Variants in SYDE1 observed in about 807,000 individuals in gnomAD.
SYDE1 encodes the protein synapse defective Rho GTPase activating protein 1.
SYDE1 carries 34 observed loss-of-function variants against 63.3 expected under a neutral mutation model. The observed-to-expected ratio is 0.54, with a 90% confidence interval of 0.41 to 0.71. SYDE1 has a LOEUF of 0.71. Ranked by LOEUF, SYDE1 falls within the 30% of genes least tolerant of loss-of-function variation. SYDE1 has a pLI of 0.00. For missense variants in SYDE1, 925 were observed against 1,042.5 expected (o/e 0.89, Z 1.55); for synonymous variants, 467 against 473.4 (o/e 0.99, Z 0.18).
chr19:15,112,429 C>A lies in SYDE1; in HGVS notation c.1662C>A (p.Ala554=). Residue 554 remains alanine, a synonymous_variant, in exon 7 of 8, where the codon GCC becomes GCA. Transcript: ENST00000342784. ...AYNRMTPQNL[A]VCFGPVLLPA... ...ACCGCATGACCCCACAGAACTTGGCCGTGTGCTTCGGGCCTGTGCTGCTGC... is the reference window on the plus strand; with the variant it reads ...ACCGCATGACCCCACAGAACTTGGCAGTGTGCTTCGGGCCTGTGCTGCTGC... 1 of 1,601,366 alleles carries A rather than the reference C, an allele frequency of 6.2e-7. No homozygotes were observed. The highest frequency in any genetic ancestry group is 8.5e-7 in the Non-Finnish European group (1 of 1,174,426).
chr19:15,108,305 A>G lies in SYDE1; in HGVS notation c.89-751A>G, dbSNP rs149090114. Among the ~76,000 whole-genome samples the G allele has an allele frequency of 1.5e-3, 222 of 152,278 alleles. No homozygotes were observed. The highest frequency in any genetic ancestry group is 4.7e-3 in the African/African-American group (197 of 41,560). Reference sequence around the variant, plus strand: ...TACCCCTTCCCCCCAGGCCTTCCCAAAGATTCCCAATGTTCCCAGGGAAGG... The same window carrying G: ...TACCCCTTCCCCCCAGGCCTTCCCAGAGATTCCCAATGTTCCCAGGGAAGG... On this transcript the variant is annotated intron_variant, in intron 1 of 7. Coordinates refer to ENST00000342784, the MANE Select transcript of SYDE1 (RefSeq NM_033025.6). The surrounding 1 kb of genome is among the most constrained non-coding windows in gnomAD (Gnocchi z 4.3).
At position 15,111,293 on chromosome 19, in the gene SYDE1, C is replaced by A. The variant is rs1223965690; in HGVS notation, c.1291-20C>A. The A allele has an allele frequency of 6.2e-7, 1 of 1,613,510 alleles. No individual in the cohort carries two copies. The highest frequency in any genetic ancestry group is 8.5e-7 in the Non-Finnish European group (1 of 1,179,580). ...TGTGGCCCCGGCAAGAAGACATTCA[C>A]TCTCTCTTCCCACCCCCAGGTAGTG... is the stretch of plus-strand genomic sequence containing the variant. On this transcript the variant is annotated intron_variant, in intron 4 of 7. Transcript: ENST00000342784. The surrounding 1 kb of genome is among the most constrained non-coding windows in gnomAD (Gnocchi z 5.5).
Position 15,109,055 on chromosome 19 carries a change from G to T in SYDE1, c.89-1G>T, listed in dbSNP as rs1395116252. The T allele has an allele frequency of 6.7e-6, 10 of 1,483,184 alleles. No individual in the cohort carries two copies. In the South Asian group the frequency reaches 1.3e-4, roughly 20 times the overall value. 91.9% of individuals were successfully genotyped at this position (1,483,184 alleles called of 1,614,324 possible). On this transcript the variant is annotated splice_acceptor_variant, in intron 1 of 7. Coordinates refer to ENST00000342784, the MANE Select transcript of SYDE1 (RefSeq NM_033025.6). LOFTEE classifies it high-confidence loss of function. The surrounding 1 kb of genome is among the most constrained non-coding windows in gnomAD (Gnocchi z 5.0). ...GTCTCACTCCCCTTGCTCTCTGCCAGGCCACCCAGCCCAGCGCCCAGAGCC... is the reference window on the plus strand; with the variant it reads ...GTCTCACTCCCCTTGCTCTCTGCCATGCCACCCAGCCCAGCGCCCAGAGCC...
Position 15,108,962 on chromosome 19 carries a change from CGT to C in SYDE1, c.89-93_89-92del. 28 of 1,426,636 alleles carry C rather than the reference CGT, an allele frequency of 2.0e-5. No individual in the cohort carries two copies. Among genetic ancestry groups the C allele is most frequent in the Non-Finnish European group, 2.6e-5 (28 of 1,094,548 alleles). 88.4% of individuals were successfully genotyped at this position (1,426,636 alleles called of 1,614,324 possible). A position where few individuals can be genotyped will look rare whatever the true frequency, so the allele number is the denominator to read the frequency against. ...TGACTTATCAGGGGCCGGCCAGGGC[CGT>C]ACACAGCATCCCACCCACTGATCAA... On this transcript the variant is annotated intron_variant, in intron 1 of 7. Coordinates refer to ENST00000342784, the MANE Select transcript of SYDE1 (RefSeq NM_033025.6). This position sits in a 1 kb window ranked among gnomAD's most constrained non-coding sequence, Gnocchi z 4.3.
In SYDE1 at chr19:15,111,051, C is replaced by A. The variant is rs1249171324; in HGVS notation, c.1291-262C>A. Reference sequence around the variant, plus strand: ...AGTTGGGGTGGGGTGTACCTAGGGTCTGGGAGAGCTTAAAACAAAACCTGG... The same window carrying A: ...AGTTGGGGTGGGGTGTACCTAGGGTATGGGAGAGCTTAAAACAAAACCTGG... On this transcript the variant is annotated intron_variant, in intron 4 of 7. Coordinates refer to ENST00000342784, the MANE Select transcript of SYDE1 (RefSeq NM_033025.6). This position sits in a 1 kb window ranked among gnomAD's most constrained non-coding sequence, Gnocchi z 5.5. Among the ~76,000 whole-genome samples the A allele has an allele frequency of 1.3e-5, 2 of 152,140 alleles. No homozygotes were observed. Among genetic ancestry groups the A allele is most frequent in the Non-Finnish European group, 2.9e-5 (2 of 68,022 alleles).
chr19:15,109,003 C>T lies in SYDE1; in HGVS notation c.89-53C>T, dbSNP rs1029773574. 7 of 1,444,096 alleles carry T rather than the reference C, an allele frequency of 4.8e-6. No individual in the cohort carries two copies. The highest frequency in any genetic ancestry group is 4.3e-5 in the African/African-American group (3 of 69,826). The allele number at this position is 1,444,096 out of a possible 1,614,324, so 89.5% of individuals were successfully genotyped here. On this transcript the variant is annotated intron_variant, in intron 1 of 7. Coordinates refer to ENST00000342784, the MANE Select transcript of SYDE1 (RefSeq NM_033025.6). This position sits in a 1 kb window ranked among gnomAD's most constrained non-coding sequence, Gnocchi z 5.0. Reference sequence around the variant, plus strand: ...CCCACTGATCAATTGCACAGGGCTGCTCTGCAGGCAGTGAGGGGCTGGGTG... The same window carrying T: ...CCCACTGATCAATTGCACAGGGCTGTTCTGCAGGCAGTGAGGGGCTGGGTG...
intron 6 of SYDE1, among the ~76,000 whole-genome samples, chr19:15,112,075 CA>C (rs2046349075): frequency 6.6e-6 from 1 of 152,156 alleles, no homozygotes; most frequent in African/African-American, 2.4e-5. Context: ...AGACAAGTCC[CA>C]TCCCTCTCTG....
Position 15,111,825 on chromosome 19 carries a change from G to C in SYDE1, c.1578+33G>C. 7 of 1,539,462 alleles carry C rather than the reference G, an allele frequency of 4.5e-6. No homozygotes were observed. The highest frequency in any genetic ancestry group is 2.3e-5 in the East Asian group (1 of 44,092). On this transcript the variant is annotated intron_variant, in intron 6 of 7. Coordinates refer to ENST00000342784, the MANE Select transcript of SYDE1 (RefSeq NM_033025.6). The surrounding 1 kb of genome is among the most constrained non-coding windows in gnomAD (Gnocchi z 5.5). ...GGGCCTGGTGGGAGTGATGGGACTT[G>C]AGAGTGGGCTGATACCAATAGAATG... is the stretch of plus-strand genomic sequence containing the variant.
chr19:15,113,422 CCAGTCCTAGCT>C (rs2046358879), intron 7 of SYDE1, 127 bp from the exon 8 acceptor site: 1 of 1,013,768 alleles, frequency 9.9e-7, no homozygotes, highest in Non-Finnish European at 1.4e-6. Flanking sequence ...GCGTAAGCAA[CCAGTCCTAGCT>C]CTGCCAGTGA....
rs1020869856 is a variant in SYDE1 at position 15,111,562 on chromosome 19, C to T, written c.1418-70C>T. The T allele has an allele frequency of 9.4e-6, 15 of 1,603,610 alleles. No individual in the cohort carries two copies. Among genetic ancestry groups the T allele is most frequent in the Admixed American group, 5.0e-5 (3 of 59,546 alleles). The stretch of plus-strand genomic sequence containing the variant: ...CTTGCTTTCACCCACCTCCTCTTCC[C>T]CCTTAGCTGTGCCCTCCTTAGCCTT... On this transcript the variant is annotated intron_variant, in intron 5 of 7. Transcript: ENST00000342784. The surrounding 1 kb of genome is among the most constrained non-coding windows in gnomAD (Gnocchi z 5.5).
chr19:15,114,041 G>C lies in SYDE1; in HGVS notation c.*78G>C. On this transcript the variant is annotated 3_prime_UTR_variant, in exon 8 of 8. Coordinates refer to ENST00000342784, the MANE Select transcript of SYDE1 (RefSeq NM_033025.6). ...AAGGCGGTGCCCTGGTGACCAAGGA[G>C]AGCCAGACCTGTTGCTCAGGCCGAG... The C allele has an allele frequency of 7.0e-7, 1 of 1,433,662 alleles. No individual in the cohort carries two copies. Among genetic ancestry groups the C allele is most frequent in the Admixed American group, 2.0e-5 (1 of 49,400 alleles). 88.8% of individuals were successfully genotyped at this position (1,433,662 alleles called of 1,614,324 possible). A position where few individuals can be genotyped will look rare whatever the true frequency, so the allele number is the denominator to read the frequency against.
chr19:15,113,239 G>A (rs377278073), intron 7 of SYDE1, among the ~76,000 whole-genome samples: 2 of 150,378 alleles, frequency 1.3e-5, no homozygotes, highest in African/African-American at 2.4e-5. Flanking sequence ...GGGGCTTCAC[G>A]GTGTTGGCCA....
rs1359223111 is a variant in SYDE1, at chr19:15,111,663, C to T, written c.1449C>T (p.Pro483=). Residue 483 remains proline (P), a synonymous_variant, in exon 6 of 8, where the codon CCC becomes CCT. Transcript: ENST00000342784. This position sits in a 1 kb window ranked among gnomAD's most constrained non-coding sequence, Gnocchi z 5.5. ...GILKDYLREL[P]TPLITQPLYK... Reference sequence around the variant, plus strand: ...TCAAGGATTATCTTCGAGAGTTGCCCACCCCACTCATCACCCAGCCCCTGT... The same window carrying T: ...TCAAGGATTATCTTCGAGAGTTGCCTACCCCACTCATCACCCAGCCCCTGT... 1.2e-6 allele frequency: 2 copies of T among 1,613,994 alleles called. No individual in the cohort carries two copies. Among genetic ancestry groups the T allele is most frequent in the African/African-American group, 1.3e-5 (1 of 75,038 alleles).
chr19:15,114,067 C>T lies in SYDE1; in HGVS notation c.*104C>T. On this transcript the variant is annotated 3_prime_UTR_variant, in exon 8 of 8. Coordinates refer to ENST00000342784, the MANE Select transcript of SYDE1 (RefSeq NM_033025.6). ...AGCCAGACCTGTTGCTCAGGCCGAG[C>T]TCCTGGTTGCCAGCGAGTTACCACG... 3.3e-6 allele frequency: 4 copies of T among 1,226,594 alleles called. No homozygotes were observed. Among genetic ancestry groups the T allele is most frequent in the Non-Finnish European group, 4.6e-6 (4 of 878,954 alleles). The allele number at this position is 1,226,594 out of a possible 1,614,324, so 76.0% of individuals were successfully genotyped here. A position where few individuals can be genotyped will look rare whatever the true frequency, so the allele number is the denominator to read the frequency against.
Position 15,110,377 on chromosome 19 carries a change from G to T in SYDE1, c.1075+29G>T. On this transcript the variant is annotated intron_variant, in intron 3 of 7. Coordinates refer to ENST00000342784, the MANE Select transcript of SYDE1 (RefSeq NM_033025.6). The surrounding 1 kb of genome is among the most constrained non-coding windows in gnomAD (Gnocchi z 6.9). Reference sequence around the variant, plus strand: ...GGACATGCGGCTGCAGGGGAGGAGGGGCAGGGACCCCCAAACCCCACCGCC... The same window carrying T: ...GGACATGCGGCTGCAGGGGAGGAGGTGCAGGGACCCCCAAACCCCACCGCC... 1 of 1,437,488 alleles carries T rather than the reference G, an allele frequency of 7.0e-7. No individual in the cohort carries two copies. The highest frequency in any genetic ancestry group is 2.7e-5 in the Admixed American group (1 of 36,716). 89.0% of individuals were successfully genotyped at this position (1,437,488 alleles called of 1,614,324 possible).
In SYDE1 at chr19:15,110,321, A is replaced by G. The variant is rs1441732907; in HGVS notation, c.1048A>G (p.Thr350Ala). The change falls in exon 3 of 8, where the codon ACC becomes GCC. Residue 350 changes from threonine to alanine, a missense_variant. Coordinates refer to ENST00000342784, the MANE Select transcript of SYDE1 (RefSeq NM_033025.6). This position sits in a 1 kb window ranked among gnomAD's most constrained non-coding sequence, Gnocchi z 6.9. ...AAGGCACCGGCCCTGTGCCCAGGGC[A>G]CCGTGCTGCTGCCCACGGTCTTCCG... ...VRRHRPCAQG[T>A]VLLPTVFRGC... 3.5e-5 allele frequency: 50 copies of G among 1,428,126 alleles called. No individual in the cohort carries two copies. Among genetic ancestry groups the G allele is most frequent in the Non-Finnish European group, 4.6e-5 (50 of 1,092,498 alleles). The allele number at this position is 1,428,126 out of a possible 1,614,324, so 88.5% of individuals were successfully genotyped here.
At position 15,109,465 on chromosome 19, in the gene SYDE1, A is replaced by G. The variant is rs2046327616; in HGVS notation, c.430+68A>G. On this transcript the variant is annotated intron_variant, in intron 2 of 7. Transcript: ENST00000342784. The surrounding 1 kb of genome is among the most constrained non-coding windows in gnomAD (Gnocchi z 5.0). ...GCTCCACATCCCTTCCCTTCAGGGT[A>G]GCACCAGCCTCACACTCCCTCCTCC... 2.7e-6 allele frequency: 4 copies of G among 1,455,340 alleles called. No individual in the cohort carries two copies. The highest frequency in any genetic ancestry group is 1.4e-5 in the South Asian group (1 of 68,974). 90.2% of individuals were successfully genotyped at this position (1,455,340 alleles called of 1,614,324 possible).
rs1386018995 is a variant in SYDE1 at position 15,110,641 on chromosome 19, C to T, written c.1196C>T (p.Pro399Leu). The change falls in exon 4 of 8, where the codon CCC becomes CTC. Residue 399 changes from proline (P) to leucine (L), a missense_variant. Physicochemically the swap from Pro to Leu is moderately conservative, Grantham distance 98 (BLOSUM62 -3). Coordinates refer to ENST00000342784, the MANE Select transcript of SYDE1 (RefSeq NM_033025.6). The surrounding 1 kb of genome is among the most constrained non-coding windows in gnomAD (Gnocchi z 6.9). ...GCTGAGCCCCGCGTCTTTGGGCTGC[C>T]CCTGCCACTGCTGGTGGAGCGGGAG... ...ATAEPRVFGLPLPLLVERERP... is the reference protein window; with the variant it reads ...ATAEPRVFGLLLPLLVERERP... The T allele has an allele frequency of 6.3e-6, 10 of 1,589,028 alleles. No homozygotes were observed. Among genetic ancestry groups the T allele is most frequent in the Non-Finnish European group, 7.7e-6 (9 of 1,169,166 alleles).
rs780030806 is a variant in SYDE1, at chr19:15,114,792, G to T, written c.*829G>T. Reference sequence around the variant, plus strand: ...GTGCGTGGACACGTCTGAAGCAGGCGTGTGGGGCTCTTTCAGGGACCACAG... The same window carrying T: ...GTGCGTGGACACGTCTGAAGCAGGCTTGTGGGGCTCTTTCAGGGACCACAG... On this transcript the variant is annotated 3_prime_UTR_variant, in exon 8 of 8. Transcript: ENST00000342784. 1.9e-5 allele frequency: 5 copies of T among 268,674 alleles called. No homozygotes were observed. The East Asian group carries it at 3.8e-4, about 21-fold the overall frequency. 16.6% of individuals were successfully genotyped at this position (268,674 alleles called of 1,614,324 possible).
Sources: gnomAD v4.1 joint callset for allele counts (sites outside exome capture counted in the v4.1 genomes callset) on GRCh38, gnomAD v4.1.1 for gene constraint, Gnocchi (gnomAD v3.1) non-coding constraint, MANE v1.5 for transcripts, NCBI Gene and HGNC (gene_info 2026-07-23, HGNC 2026-07-21) for gene names.